Variants in TXNDC8 observed in about 807,000 individuals in gnomAD.
TXNDC8 encodes the protein thioredoxin domain-containing protein 8.
A neutral mutation model predicts 12.9 loss-of-function variants in TXNDC8; 15 were observed. The ratio of observed to expected loss-of-function variants is 1.16; its 90% CI spans 0.78 to 1.79. TXNDC8 has a LOEUF of 1.79. Ranked by LOEUF, TXNDC8 falls within the 40% of genes most tolerant of loss-of-function variation. The pLI, the probability that TXNDC8 is intolerant of heterozygous loss-of-function variation, is 0.00. For missense variants in TXNDC8, 128 were observed against 113.2 expected, an observed-to-expected ratio of 1.13 and a Z score of -0.59; for synonymous variants, 40 against 35.4, an observed-to-expected ratio of 1.13 and a Z score of -0.46.
rs1480046440 is a variant in TXNDC8 at position 110,323,372 on chromosome 9, C to T, written c.195+2803G>A. 6 of 980,090 alleles carry T rather than the reference C, an allele frequency of 6.1e-6. No individual in the cohort carries two copies. The African/African-American group carries it at 1.1e-4, about 17-fold the overall frequency. The allele number at this position is 980,090 out of a possible 1,614,324, so 60.7% of individuals were successfully genotyped here. On this transcript the variant is annotated intron_variant, in intron 3 of 4. Transcript: ENST00000423740. ...TAAAGTCAAAAGAGAAGAAAATTTC[C>T]AGAATATAGAAGCTCATTAGTTAAT...
chr9:110,331,484 G>T (rs1350113174), intron 2 of TXNDC8, among the ~76,000 whole-genome samples: 1 of 152,152 alleles, frequency 6.6e-6, no homozygotes, highest in Non-Finnish European at 1.5e-5. Flanking sequence ...CATTCACCCA[G>T]TCTTCTGATG....
chr9:110,303,776 A>C, intron 4 of TXNDC8, 193 bp from the exon 6 acceptor site: 2 of 1,413,162 alleles, frequency 1.4e-6, no homozygotes, highest in Non-Finnish European at 1.9e-6. Context: ...TCCTTTCAAA[A>C]TTACTTTTGC....
intron 2 of TXNDC8, among the ~76,000 whole-genome samples, chr9:110,333,729 C>T (rs977108669): frequency 6.6e-6 from 1 of 151,912 alleles, no homozygotes; most frequent in Non-Finnish European, 1.5e-5. Flanking sequence ...AACAATTATA[C>T]CTCAATAAAG....
At chr9:110,314,184 CT>C (rs1838791082) in intron 3 of TXNDC8, among the ~76,000 whole-genome samples, 1 of 152,120 alleles carries the variant, frequency 6.6e-6, no homozygotes, top group Non-Finnish European at 1.5e-5. Flanking sequence ...AACCATTTGT[CT>C]TTTATCTACC....
At chr9:110,311,938 G>C (rs1256622822) in intron 3 of TXNDC8, among the ~76,000 whole-genome samples, 1 of 149,498 alleles carries the variant, frequency 6.7e-6, no homozygotes, top group East Asian at 2.0e-4. Flanking sequence ...GCTCAGGCTA[G>C]AGGGCAGTGG....
intron 3 of TXNDC8, among the ~76,000 whole-genome samples, chr9:110,321,475 T>C (rs1767555078): frequency 6.6e-6 from 1 of 152,150 alleles, no homozygotes; most frequent in Non-Finnish European, 1.5e-5. Flanking sequence ...TTGCCAGATG[T>C]TTTATCAGAA....
At chr9:110,310,501 C>T (rs74925823) in intron 3 of TXNDC8, among the ~76,000 whole-genome samples, 12,447 of 152,072 alleles carry the variant, frequency 0.082, 559 homozygotes, top group African/African-American at 0.12. Context: ...GTACTTCTAC[C>T]GGCATGCCTA....
At chr9:110,328,597 G>A (rs1191998784) in intron 2 of TXNDC8, among the ~76,000 whole-genome samples, 1 of 152,126 alleles carries the variant, frequency 6.6e-6, no homozygotes, top group African/African-American at 2.4e-5. Context: ...ACCTGAGGTT[G>A]GGAGTTCAAG....
intron 1 of TXNDC8, among the ~76,000 whole-genome samples, chr9:110,337,487 A>G (rs1485058133): frequency 2.6e-5 from 4 of 152,182 alleles, no homozygotes; most frequent in African/African-American, 9.7e-5. Flanking sequence ...GGGATCAGAT[A>G]CAGGATGGGA....
intron 3 of TXNDC8, chr9:110,323,827 C>G (rs1459630791): frequency 2.1e-5 from 33 of 1,539,750 alleles, no homozygotes; most frequent in Non-Finnish European, 2.7e-5. Context: ...GCTTCAGACT[C>G]ATATCTTCCC....
chr9:110,322,505 A>G (rs1839142787), intron 3 of TXNDC8: 2 of 985,290 alleles, frequency 2.0e-6, no homozygotes, highest in Non-Finnish European at 2.4e-6. Context: ...CAGCTTATTG[A>G]GGGCACTTCC....
At chr9:110,325,218 C>T (rs994458203) in intron 3 of TXNDC8, among the ~76,000 whole-genome samples, 1 of 151,802 alleles carries the variant, frequency 6.6e-6, no homozygotes. Flanking sequence ...ACTAACATAA[C>T]ACAGTAAGCA....
At chr9:110,303,243 C>T (rs1233431784), downstream of TXNDC8, among the ~76,000 whole-genome samples, 1 of 152,174 alleles carries the variant, frequency 6.6e-6, no homozygotes, top group African/African-American at 2.4e-5. Context: ...TAATACTTAG[C>T]TGTGCAGGAC....
At chr9:110,332,654 G>A (rs4978902) in intron 2 of TXNDC8, among the ~76,000 whole-genome samples, 136,747 of 152,164 alleles carry the variant, frequency 0.9, 61,951 homozygotes, top group African/African-American at 0.98. Context: ...GGAAAAATGA[G>A]AAAAAGTGCC....
intron 3 of TXNDC8, among the ~76,000 whole-genome samples, chr9:110,307,391 T>C (rs1838509105): frequency 6.6e-6 from 1 of 152,194 alleles, no homozygotes; most frequent in South Asian, 2.1e-4. Flanking sequence ...CAAAGAGAAA[T>C]GTTACATTCG....
rs1046612049 is a variant in TXNDC8 at position 110,334,259 on chromosome 9, G to A, written c.86C>T (p.Ser29Leu). ...CCTTTTGCAGGGACCACACCGTTTCGAAGAAAATTGAACCACTGCGAGTTT... is the reference window on the plus strand; with the variant it reads ...CCTTTTGCAGGGACCACACCGTTTCAAAGAAAATTGAACCACTGCGAGTTT... The change falls in exon 2 of 5, where the codon TCG becomes TTG. Residue 29 changes from serine to leucine, a missense_variant. Physicochemically the swap from Ser to Leu is moderately radical, Grantham distance 145. Transcript: ENST00000423740. 4 of 1,613,894 alleles carry A rather than the reference G, an allele frequency of 2.5e-6. No homozygotes were observed. The highest frequency in any genetic ancestry group is 1.1e-5 in the South Asian group (1 of 91,070).
intron 2 of TXNDC8, among the ~76,000 whole-genome samples, chr9:110,327,323 TATA>T (rs1399779941): frequency 6.3e-4 from 21 of 33,344 alleles, no homozygotes; most frequent in African/African-American, 4.9e-3. Flanking sequence ...GTTTATACTA[TATA>T]TTTTTTTTTT....
intron 3 of TXNDC8, chr9:110,324,078 T>C: frequency 6.8e-7 from 1 of 1,478,482 alleles, no homozygotes; most frequent in Non-Finnish European, 9.0e-7. Flanking sequence ...TAATAGAGAA[T>C]GGATGCTGGG....
At chr9:110,312,998 C>T (rs369520125) in intron 3 of TXNDC8, among the ~76,000 whole-genome samples, 127 of 152,288 alleles carry the variant, frequency 8.3e-4, no homozygotes, top group South Asian at 2.9e-3. Context: ...CTCCGCCACC[C>T]GGATTCAAGT....
Sources: allele counts gnomAD v4.1 joint callset (sites outside exome capture counted in the v4.1 genomes callset), GRCh38; gene constraint gnomAD v4.1.1; transcripts MANE v1.5; gene names NCBI Gene and HGNC (gene_info 2026-07-23, HGNC 2026-07-21).